TRAP1: variants seen among roughly 807,000 people sequenced by gnomAD.
The protein encoded by TRAP1 is heat shock protein 75 kDa, mitochondrial.
In TRAP1, 102 loss-of-function variants were observed where a neutral mutation model predicts 89.1. The observed-to-expected ratio is 1.15, with a 90% CI of 0.98 to 1.35. The LOEUF (loss-of-function observed/expected upper bound fraction) is 1.35, where lower values mean the gene tolerates loss of function less well. TRAP1 is among the 40% of genes most tolerant of loss of function. The pLI is 0.00. For missense variants in TRAP1, 1,256 were observed against 945.3 expected, an observed-to-expected ratio of 1.33 and a Z score of -4.31; for synonymous variants, 508 against 388.0, an observed-to-expected ratio of 1.31 and a Z score of -3.64.
rs529729412 is a variant in TRAP1, at chr16:3,672,104, G to A, written c.1166-313C>T. On this transcript the variant is annotated intron_variant, in intron 10 of 17. Coordinates refer to ENST00000246957, the MANE Select transcript of TRAP1 (RefSeq NM_016292.3). ...TGTAATCCCAGCGCTTTGGGAGGCCGAGGTGGGCGGATCATGAGGTCAGGA... is the reference window on the plus strand; with the variant it reads ...TGTAATCCCAGCGCTTTGGGAGGCCAAGGTGGGCGGATCATGAGGTCAGGA... Among the ~76,000 whole-genome samples, 8 of 152,268 alleles carry A rather than the reference G, an allele frequency of 5.3e-5. No homozygotes were observed. The South Asian group carries it at 1.0e-3, about 20-fold the overall frequency.
intron 11 of TRAP1, among the ~76,000 whole-genome samples, chr16:3,669,950 C>A (rs150473848): frequency 2.6e-5 from 4 of 151,506 alleles, no homozygotes; most frequent in African/African-American, 9.7e-5. Flanking sequence ...GGGACGGGAT[C>A]AGTAAACTAT....
At chr16:3,710,576 T>C (rs992672157) in intron 1 of TRAP1, 1 of 152,210 alleles carries the variant, frequency 6.6e-6, no homozygotes, top group Non-Finnish European at 1.5e-5. Flanking sequence ...CTCATCATAA[T>C]GGTTAAAATG....
At chr16:3,710,610 G>A (rs17183801) in intron 1 of TRAP1, among the ~76,000 whole-genome samples, 2,003 of 152,168 alleles carry the variant, frequency 0.013, 32 homozygotes, top group South Asian at 0.05. Context: ...TCAGCCTCGT[G>A]GAAAATTCGC....
chr16:3,716,616 G>C (rs1229445994), intron 1 of TRAP1, among the ~76,000 whole-genome samples: 1 of 125,750 alleles, frequency 8.0e-6, no homozygotes, highest in Non-Finnish European at 1.7e-5. Context: ...ATGCATACAT[G>C]GTTTAGGCTT....
intron 9 of TRAP1, 54 bp from the exon 10 acceptor site, chr16:3,672,874 C>A (rs1596710457): frequency 6.4e-7 from 1 of 1,566,360 alleles, no homozygotes; most frequent in Non-Finnish European, 8.6e-7. Flanking sequence ...CCAGGCAGGC[C>A]CTGGCTGGGA....
chr16:3,680,793 C>T (rs761948182), intron 4 of TRAP1, among the ~76,000 whole-genome samples: 10 of 152,168 alleles, frequency 6.6e-5, no homozygotes, highest in Non-Finnish European at 1.2e-4. Flanking sequence ...AGAAAACAGG[C>T]TTGAGGGAGC....
Position 3,677,495 on chromosome 16 carries a change from C to T in TRAP1, c.704+3G>A, listed in dbSNP as rs1432924654. 11 of 1,614,096 alleles carry T rather than the reference C, an allele frequency of 6.8e-6. No individual in the cohort carries two copies. Among genetic ancestry groups the T allele is most frequent in the African/African-American group, 1.3e-5 (1 of 74,946 alleles). The stretch of plus-strand genomic sequence containing the variant: ...TGCCTGTCAGGCGACATTCGTCACT[C>T]ACCCATCTGAAAGCCACTGGTAACC... On this transcript the variant is annotated splice_donor_region_variant and intron_variant, in intron 6 of 17. Transcript: ENST00000246957.
chr16:3,674,500 A>G lies in TRAP1; in HGVS notation c.889-6T>C. 6.2e-7 allele frequency: 1 copy of G among 1,613,656 alleles called. No individual in the cohort carries two copies. Among genetic ancestry groups the G allele is most frequent in the Non-Finnish European group, 8.5e-7 (1 of 1,179,934 alleles). On this transcript the variant is annotated splice_polypyrimidine_tract_variant and splice_region_variant and intron_variant, in intron 8 of 17. Transcript: ENST00000246957. ...GGGTCCATCATCCAGATGGCCTGGA[A>G]ACGGAGATCGGCGGGGAGGGCGTCG... is the stretch of plus-strand genomic sequence containing the variant.
rs770401718 is a variant in TRAP1 at position 3,677,543 on chromosome 16, C to T, written c.659G>A (p.Arg220His). 3.2e-5 allele frequency: 52 copies of T among 1,614,122 alleles called. 1 individual carries two copies. The East Asian group carries it at 3.3e-4, about 10-fold the overall frequency. ...ACCCAGGCTCCCCGGGGCTGCCGAG[C>T]GGGAATAGACCTCCACTCTGTCAGC... ...MVADRVEVYS[R>H]SAAPGSLGYQ... Residue 220 changes from arginine to histidine, a missense_variant, in exon 6 of 18, where the codon CGC (arginine) becomes CAC (histidine). Physicochemically the swap from Arg to His is conservative, Grantham distance 29 (BLOSUM62 0). Transcript: ENST00000246957.
At chr16:3,709,244 A>AG (rs1373892397) in intron 1 of TRAP1, among the ~76,000 whole-genome samples, 1 of 149,282 alleles carries the variant, frequency 6.7e-6, no homozygotes, top group Non-Finnish European at 1.5e-5. Context: ...AAAAAAAAAA[A>AG]AAAGAAAAAG....
chr16:3,716,948 T>A (rs2051605423), intron 1 of TRAP1, among the ~76,000 whole-genome samples: 1 of 152,142 alleles, frequency 6.6e-6, no homozygotes, highest in Admixed American at 6.5e-5. Context: ...GTGCGTCCAA[T>A]GAACGAATTA....
At chr16:3,659,844 G>C (rs994197881) in intron 16 of TRAP1, 1 of 151,992 alleles carries the variant, frequency 6.6e-6, no homozygotes, top group South Asian at 2.1e-4. Context: ...CAGCCTCCTG[G>C]TTTCAAGAGG....
intron 2 of TRAP1, 22 bp from the exon 3 acceptor site, chr16:3,689,159 A>T (rs761730816): frequency 1.2e-6 from 2 of 1,601,698 alleles, no homozygotes; most frequent in Non-Finnish European, 1.7e-6. Flanking sequence ...ACACAGACAC[A>T]ACCAACAAAG....
chr16:3,699,698 T>G (rs1449258394), intron 1 of TRAP1, among the ~76,000 whole-genome samples: 5 of 151,892 alleles, frequency 3.3e-5, no homozygotes, highest in African/African-American at 1.2e-4. Flanking sequence ...GAAAAGAGAT[T>G]GCTCTGTCAC....
chr16:3,677,602 C>G lies in TRAP1; in HGVS notation c.600G>C (p.Gln200His). ...QAEASSKIIG[Q>H]FGVGFYSAFM... ...AAGCTGAGTAGAAACCCACTCCAAA[C>G]TGGCCGATGATCTTGCTGCTGGCCT... The change falls in exon 6 of 18, where the codon CAG (glutamine) becomes CAC (histidine). Residue 200 changes from glutamine (Q) to histidine (H), a missense_variant. Coordinates refer to ENST00000246957, the MANE Select transcript of TRAP1 (RefSeq NM_016292.3). 1 of 1,614,208 alleles carries G rather than the reference C, an allele frequency of 6.2e-7. No homozygotes were observed. Among genetic ancestry groups the G allele is most frequent in the Non-Finnish European group, 8.5e-7 (1 of 1,180,044 alleles).
At position 3,663,509 on chromosome 16, in the gene TRAP1, C is replaced by T; in HGVS notation, c.1623G>A (p.Glu541=). The change falls in exon 14 of 18, where the codon GAG becomes GAA. Residue 541 remains glutamate (E), a synonymous_variant. Coordinates refer to ENST00000246957, the MANE Select transcript of TRAP1 (RefSeq NM_016292.3). ...CAGAGATCAGCTTCTTCTTGTCAAA[C>T]TCACGAAGGTGCAGCAGGGTGAGCT... ...FDELTLLHLR[E]FDKKKLISVE... 1 of 1,614,194 alleles carries T rather than the reference C, an allele frequency of 6.2e-7. No homozygotes were observed. The highest frequency in any genetic ancestry group is 8.5e-7 in the Non-Finnish European group (1 of 1,180,040).
At chr16:3,669,736 G>C (rs540519337) in intron 11 of TRAP1, among the ~76,000 whole-genome samples, 2 of 148,916 alleles carry the variant, frequency 1.3e-5, no homozygotes, top group African/African-American at 4.9e-5. Flanking sequence ...GGGAGGCTGA[G>C]ACAGGAGAAT....
At chr16:3,706,516 G>A (rs1454052795) in intron 1 of TRAP1, among the ~76,000 whole-genome samples, 1 of 141,710 alleles carries the variant, frequency 7.1e-6, no homozygotes, top group Non-Finnish European at 1.5e-5. Context: ...CTGAAGTGCA[G>A]TGGCACAATC....
At chr16:3,702,746 A>C (rs1163818778) in intron 1 of TRAP1, among the ~76,000 whole-genome samples, 1 of 151,138 alleles carries the variant, frequency 6.6e-6, no homozygotes, top group Non-Finnish European at 1.5e-5. Context: ...CCCTGTCTTT[A>C]AGAGAAATTT....
Sources: gnomAD v4.1 joint callset for allele counts (sites outside exome capture counted in the v4.1 genomes callset) on GRCh38, gnomAD v4.1.1 for gene constraint, MANE v1.5 for transcripts, NCBI Gene and HGNC (gene_info 2026-07-23, HGNC 2026-07-21) for gene names.